Variants in RORA observed in about 807,000 individuals in gnomAD.
The protein encoded by RORA is nuclear receptor ROR-alpha.
RORA carries 7 observed loss-of-function variants against 69.5 expected under a neutral mutation model. That is an observed-to-expected ratio of 0.10 (90% confidence interval 0.06 to 0.19). The LOEUF (loss-of-function observed/expected upper bound fraction) is 0.19, where lower values mean the gene tolerates loss of function less well. RORA is among the 10% of genes least tolerant of loss of function. RORA has a pLI of 1.00. For synonymous variants in RORA, 261 were observed against 240.8 expected (o/e 1.08, Z -0.78); for missense variants, 457 against 663.0 (o/e 0.69, Z 3.41).
At chr15:60,947,063 T>TG (rs1277832025) in intron 1 of RORA, among the ~76,000 whole-genome samples, 4 of 83,102 alleles carry the variant, frequency 4.8e-5, no homozygotes, top group African/African-American at 6.5e-5. Context: ...GGGAGGGAGG[T>TG]GGGGGGCCAG....
intron 2 of RORA, among the ~76,000 whole-genome samples, chr15:60,668,996 G>C (rs1227416353): frequency 6.6e-6 from 1 of 152,160 alleles, no homozygotes; most frequent in East Asian, 1.9e-4. Flanking sequence ...GAGTGAGCAA[G>C]GTTTGGAATT....
intron 1 of RORA, among the ~76,000 whole-genome samples, chr15:60,752,532 T>A (rs2071738789): frequency 6.6e-6 from 1 of 152,102 alleles, no homozygotes; most frequent in South Asian, 2.1e-4. Flanking sequence ...TTAGAGAGGA[T>A]GATTACACTT....
At chr15:61,163,559 T>G (rs1040355298) in intron 1 of RORA, among the ~76,000 whole-genome samples, 1 of 152,146 alleles carries the variant, frequency 6.6e-6, no homozygotes, top group African/African-American at 2.4e-5. Context: ...AGATTCGTAC[T>G]TCCTACTAAA....
At chr15:60,918,396 C>A (rs961497044) in intron 1 of RORA, among the ~76,000 whole-genome samples, 1 of 152,184 alleles carries the variant, frequency 6.6e-6, no homozygotes, top group Admixed American at 6.5e-5. Flanking sequence ...AATTAACTAA[C>A]CATGTCATTC....
chr15:61,110,574 G>T (rs1481798709), intron 1 of RORA, among the ~76,000 whole-genome samples: 2 of 152,062 alleles, frequency 1.3e-5, no homozygotes, highest in Non-Finnish European at 2.9e-5. Flanking sequence ...TCCTTCCAGA[G>T]ATATTCCAGA....
chr15:60,530,312 G>A (rs932478395), intron 3 of RORA: 3 of 152,150 alleles, frequency 2.0e-5, no homozygotes, highest in Non-Finnish European at 4.4e-5. Flanking sequence ...CTTTTTTGGA[G>A]AGAGGGTCTC....
chr15:60,943,565 T>A (rs1892767108), intron 1 of RORA, among the ~76,000 whole-genome samples: 1 of 142,250 alleles, frequency 7.0e-6, no homozygotes, highest in South Asian at 2.4e-4. Flanking sequence ...GGACCCGCAT[T>A]CAGTTCTATT....
intron 2 of RORA, among the ~76,000 whole-genome samples, chr15:60,674,737 C>T (rs1392958662): frequency 2.0e-5 from 3 of 152,134 alleles, no homozygotes; most frequent in African/African-American, 7.2e-5. Context: ...GATTCAGAGG[C>T]GTATCTTGTT....
At position 60,991,616 on chromosome 15, in the gene RORA, A is replaced by C. The variant is rs151175786; in HGVS notation, c.166+237437T>G. Among the ~76,000 whole-genome samples the C allele has an allele frequency of 4.3e-3, 650 of 152,282 alleles. 8 individuals are homozygous for C. Among genetic ancestry groups the C allele is most frequent in the African/African-American group, 0.015 (622 of 41,550 alleles). On this transcript the variant is annotated intron_variant, in intron 1 of 10. Coordinates refer to ENST00000335670, the MANE Select transcript of RORA (RefSeq NM_134261.3). ...TATAAAATGGTATTTAAAAGTTAAG[A>C]CGGGGTGTTGGCAGCTCACACCTGT... is the stretch of plus-strand genomic sequence containing the variant.
At chr15:60,797,765 T>C (rs2072518921) in intron 1 of RORA, among the ~76,000 whole-genome samples, 1 of 151,984 alleles carries the variant, frequency 6.6e-6, no homozygotes, top group Admixed American at 6.6e-5. Flanking sequence ...GAGCCCTAGA[T>C]CTGGATGGGC....
chr15:60,560,707 A>G (rs1038009698), intron 2 of RORA, among the ~76,000 whole-genome samples: 2 of 152,262 alleles, frequency 1.3e-5, no homozygotes, highest in African/African-American at 4.8e-5. Context: ...CTCAATAAAA[A>G]TAAGTATATA....
chr15:60,980,967 TC>T (rs778818754), intron 1 of RORA, among the ~76,000 whole-genome samples: 7 of 152,028 alleles, frequency 4.6e-5, no homozygotes, highest in Non-Finnish European at 1.0e-4. Context: ...GTTATTGAGT[TC>T]AGATTTTTTT....
At chr15:61,033,038 G>A (rs977048440) in intron 1 of RORA, among the ~76,000 whole-genome samples, 39 of 152,128 alleles carry the variant, frequency 2.6e-4, no homozygotes, top group South Asian at 6.2e-4. Flanking sequence ...TTTACAGAGC[G>A]GGGAACAGAT....
chr15:60,899,801 T>A (rs141044721), intron 1 of RORA, among the ~76,000 whole-genome samples: 2 of 152,332 alleles, frequency 1.3e-5, no homozygotes, highest in African/African-American at 4.8e-5. Context: ...TTCCAGGGAA[T>A]GTGTGTACAG....
At chr15:60,845,352 G>T (rs1175368098) in intron 1 of RORA, among the ~76,000 whole-genome samples, 7 of 152,160 alleles carry the variant, frequency 4.6e-5, no homozygotes, top group Non-Finnish European at 8.8e-5. Flanking sequence ...CACAGACGAT[G>T]GTATGTTTCT....
chr15:60,537,194 G>C lies in RORA; in HGVS notation c.197-5343C>G, dbSNP rs995426857. Among the ~76,000 whole-genome samples, 1 of 152,330 alleles carries C rather than the reference G, an allele frequency of 6.6e-6. No homozygotes were observed. Among genetic ancestry groups the C allele is most frequent in the African/African-American group, 2.4e-5 (1 of 41,570 alleles). On this transcript the variant is annotated intron_variant, in intron 2 of 10. Transcript: ENST00000335670. This position sits in a 1 kb window ranked among gnomAD's most constrained non-coding sequence, Gnocchi z 4.9. Reference sequence around the variant, plus strand: ...TGCAGAGTCTTCACCTTATTCCCTGGAGGGACTTCAGGAGCACCAGGCTTC... The same window carrying C: ...TGCAGAGTCTTCACCTTATTCCCTGCAGGGACTTCAGGAGCACCAGGCTTC...
rs188447111 is a variant in RORA, at chr15:61,045,551, C to A, written c.166+183502G>T. On this transcript the variant is annotated intron_variant, in intron 1 of 10. Transcript: ENST00000335670. ...TGGGGAAGGTGAGTACTCTGAGGCA[C>A]CCAAGCTGCATAGCACTGCTTGTGC... is the stretch of plus-strand genomic sequence containing the variant. Among the ~76,000 whole-genome samples the A allele has an allele frequency of 2.6e-4, 39 of 152,252 alleles. No homozygotes were observed. In the East Asian group the frequency reaches 6.2e-3, roughly 24 times the overall value.
intron 1 of RORA, among the ~76,000 whole-genome samples, chr15:60,750,437 A>G (rs2071707320): frequency 2.0e-5 from 3 of 152,252 alleles, no homozygotes; most frequent in African/African-American, 7.2e-5. Context: ...AGAAGCAGAG[A>G]AAGAATCCCT....
chr15:60,531,733 T>C lies in RORA; in HGVS notation c.282+33A>G, dbSNP rs17237283. 0.011 allele frequency: 13,246 copies of C among 1,189,960 alleles called. 633 individuals carry two copies. The East Asian group carries it at 0.16, about 15-fold the overall frequency. The allele number at this position is 1,189,960 out of a possible 1,614,324, so 73.7% of individuals were successfully genotyped here. A position where few individuals can be genotyped will look rare whatever the true frequency, so the allele number is the denominator to read the frequency against. On this transcript the variant is annotated intron_variant, in intron 3 of 10. Transcript: ENST00000335670. The surrounding 1 kb of genome is among the most constrained non-coding windows in gnomAD (Gnocchi z 4.8). ...TCACAAAGATATATTCTAACAAACA[T>C]TAATAGAAACAACAACAATTAAAAA...
Sources: gnomAD v4.1 joint callset for allele counts (sites outside exome capture counted in the v4.1 genomes callset) on GRCh38, gnomAD v4.1.1 for gene constraint, Gnocchi (gnomAD v3.1) non-coding constraint, MANE v1.5 for transcripts, NCBI Gene and HGNC (gene_info 2026-07-23, HGNC 2026-07-21) for gene names.